Variants in NDUFAF6 observed in about 807,000 individuals in gnomAD.
The protein encoded by NDUFAF6 is NADH:ubiquinone oxidoreductase complex assembly factor 6.
In NDUFAF6, 45 loss-of-function variants were observed where a neutral mutation model predicts 40.8. That is an observed-to-expected ratio of 1.10 (90% CI 0.87 to 1.42). The LOEUF (loss-of-function observed/expected upper bound fraction) is 1.42. Among genes scored for constraint, NDUFAF6 ranks in the 40% most tolerant of loss-of-function variants. NDUFAF6 has a pLI of 0.00. For missense variants in NDUFAF6, 435 were observed against 418.5 expected, an observed-to-expected ratio of 1.04 and a Z score of -0.34; for synonymous variants, 185 against 155.9, an observed-to-expected ratio of 1.19 and a Z score of -1.39.
chr8:94,963,780 C>T (rs1363714216), intron 1 of NDUFAF6, among the ~76,000 whole-genome samples: 1 of 152,164 alleles, frequency 6.6e-6, no homozygotes, highest in Non-Finnish European at 1.5e-5. Context: ...GGCTGAAAGG[C>T]AAGAGCCAGA....
intron 2 of NDUFAF6, among the ~76,000 whole-genome samples, chr8:95,088,818 T>C (rs139438608): frequency 6.6e-6 from 1 of 152,172 alleles, no homozygotes; most frequent in African/African-American, 2.4e-5. Context: ...TGGAGTGCAG[T>C]GGCGCCATCT....
intron 1 of NDUFAF6, among the ~76,000 whole-genome samples, chr8:95,029,492 C>G (rs898921472): frequency 6.6e-6 from 1 of 152,206 alleles, no homozygotes; most frequent in Non-Finnish European, 1.5e-5. Context: ...AATCACAGTA[C>G]AGCCATCAAA....
In NDUFAF6 at chr8:95,041,586, A is replaced by G; in HGVS notation, c.437A>G (p.Asn146Ser). Residue 146 changes from asparagine (N) to serine (S), a missense_variant, in exon 4 of 9, where the codon AAT becomes AGT. Coordinates refer to ENST00000396124, the MANE Select transcript of NDUFAF6 (RefSeq NM_152416.4). The stretch of plus-strand genomic sequence containing the variant: ...GTTTTTTAGGCTGTTAAAAGACATA[A>G]TCTGACTAAAAGATGGCTTATGAAA... ...IELWKAVKRH[N>S]LTKRWLMKIV... 6.2e-7 allele frequency: 1 copy of G among 1,611,982 alleles called. No homozygotes were observed. Among genetic ancestry groups the G allele is most frequent in the Non-Finnish European group, 8.5e-7 (1 of 1,178,230 alleles).
At chr8:94,897,346 G>T (rs550655452) in intron 1 of NDUFAF6, among the ~76,000 whole-genome samples, 1 of 152,134 alleles carries the variant, frequency 6.6e-6, no homozygotes, top group Non-Finnish European at 1.5e-5. Context: ...ATTCCAAGAC[G>T]TCTTTGTGTG....
At chr8:95,089,248 A>G (rs1809167725) in intron 2 of NDUFAF6, among the ~76,000 whole-genome samples, 1 of 151,122 alleles carries the variant, frequency 6.6e-6, no homozygotes, top group Admixed American at 6.6e-5. Context: ...TTTGTGGAGA[A>G]GGGGTTTCGC....
intron 8 of NDUFAF6, among the ~76,000 whole-genome samples, chr8:95,053,016 A>G (rs1201846630): frequency 6.6e-6 from 1 of 152,186 alleles, no homozygotes; most frequent in Non-Finnish European, 1.5e-5. Flanking sequence ...AGGTTCAAAG[A>G]TTTGTAATCT....
At chr8:95,013,949 C>T (rs1300183720) in intron 2 of NDUFAF6, among the ~76,000 whole-genome samples, 4 of 152,180 alleles carry the variant, frequency 2.6e-5, no homozygotes, top group African/African-American at 9.7e-5. Flanking sequence ...CAGACATGCA[C>T]ACAGGGAGAA....
chr8:94,968,741 A>G lies in NDUFAF6; in HGVS notation c.-199+10562A>G, dbSNP rs141478882. ...TACGATGTGGGCAGCAGATGGTACC[A>G]AGGGCGAGAGTAAAAGCAGGTAAAC... is the stretch of plus-strand genomic sequence containing the variant. On this transcript the variant is annotated intron_variant, in intron 1 of 9. Transcript: ENST00000396111. Among the ~76,000 whole-genome samples the G allele has an allele frequency of 6.2e-3, 940 of 152,340 alleles. 6 individuals are homozygous for G. The highest frequency in any genetic ancestry group is 1.0e-2 in the Non-Finnish European group (677 of 68,036).
At chr8:95,090,188 T>C (rs981586728) in intron 2 of NDUFAF6, among the ~76,000 whole-genome samples, 5 of 152,172 alleles carry the variant, frequency 3.3e-5, no homozygotes, top group African/African-American at 1.2e-4. Flanking sequence ...TCACCGGTTG[T>C]GGGGAGAACC....
chr8:94,939,991 C>T (rs767712920), intron 1 of NDUFAF6: 2 of 1,614,142 alleles, frequency 1.2e-6, no homozygotes, highest in Non-Finnish European at 8.5e-7. Flanking sequence ...GACTTGTTTC[C>T]ACCTTGATAG....
At chr8:94,938,181 G>A (rs1821176833) in intron 1 of NDUFAF6, among the ~76,000 whole-genome samples, 1 of 152,166 alleles carries the variant, frequency 6.6e-6, no homozygotes, top group Non-Finnish European at 1.5e-5. Context: ...TCTGCTTTTG[G>A]AAACCAACAA....
intron 1 of NDUFAF6, chr8:94,939,803 GAGACAA>G: frequency 6.4e-7 from 1 of 1,564,890 alleles, no homozygotes; most frequent in Non-Finnish European, 8.6e-7. Flanking sequence ...AATTACAGTA[GAGACAA>G]AATGCATGCT....
chr8:95,044,037 G>T lies in NDUFAF6; in HGVS notation c.478-1508G>T, dbSNP rs1830441818. 2.6e-5 allele frequency among the ~76,000 whole-genome samples: 4 copies of T among 152,052 alleles called. No homozygotes were observed. The South Asian group carries it at 8.3e-4, about 32-fold the overall frequency. On this transcript the variant is annotated intron_variant, in intron 4 of 8. Coordinates refer to ENST00000396124, the MANE Select transcript of NDUFAF6 (RefSeq NM_152416.4). ...ACAAAATGTTGTATATCCATACAAT[G>T]GAATATTATTCATAATTTATTCAAC...
At chr8:94,923,384 G>C (rs2131276979) in intron 1 of NDUFAF6, among the ~76,000 whole-genome samples, 1 of 152,298 alleles carries the variant, frequency 6.6e-6, no homozygotes, top group Admixed American at 6.5e-5. Context: ...TGGAGCACTT[G>C]AAATACTACT....
At chr8:95,117,462 G>T (rs982028023), downstream of NDUFAF6, among the ~76,000 whole-genome samples, 2 of 152,076 alleles carry the variant, frequency 1.3e-5, no homozygotes, top group East Asian at 1.9e-4. Context: ...AGCTTTTTTT[G>T]TGTGTGTGGT....
At position 94,917,067 on chromosome 8, in the gene NDUFAF6, C is replaced by T. The variant is rs1167860344; in HGVS notation, c.-936+21140C>T. ...CAGAGCTGGCAGTGATCCGAGACCACACCTCTGCACTCCAGCCTGGGTGAC... is the reference window on the plus strand; with the variant it reads ...CAGAGCTGGCAGTGATCCGAGACCATACCTCTGCACTCCAGCCTGGGTGAC... On this transcript the variant is annotated intron_variant, in intron 1 of 14. Coordinates refer to the NDUFAF6 transcript ENST00000396113. 4.9e-5 allele frequency among the ~76,000 whole-genome samples: 7 copies of T among 143,212 alleles called. No homozygotes were observed. In the East Asian group the frequency reaches 1.4e-3, roughly 30 times the overall value. 94.0% of individuals were successfully genotyped at this position (143,212 alleles called of 152,430 possible). A position where few individuals can be genotyped will look rare whatever the true frequency, so the allele number is the denominator to read the frequency against.
intron 1 of NDUFAF6, chr8:94,974,447 TG>T (rs760256862): frequency 6.6e-6 from 1 of 152,264 alleles, no homozygotes. Flanking sequence ...CTTCTCTTCC[TG>T]GGCATTTAAG....
upstream of NDUFAF6, among the ~76,000 whole-genome samples, chr8:95,020,052 A>C (rs1305348612): frequency 6.6e-6 from 1 of 152,146 alleles, no homozygotes; most frequent in Non-Finnish European, 1.5e-5. Flanking sequence ...TACAAAAATT[A>C]GCTGGGTGTG....
At chr8:94,998,510 G>C (rs1826564969) in intron 2 of NDUFAF6, among the ~76,000 whole-genome samples, 2 of 152,054 alleles carry the variant, frequency 1.3e-5, no homozygotes, top group African/African-American at 4.8e-5. Context: ...TACATAAAGA[G>C]CTGCCTTGTT....
Sources: allele counts gnomAD v4.1 joint callset (sites outside exome capture counted in the v4.1 genomes callset), GRCh38; gene constraint gnomAD v4.1.1; transcripts MANE v1.5; gene names NCBI Gene and HGNC (gene_info 2026-07-23, HGNC 2026-07-21).